ANKRD17: variants seen among roughly 807,000 people sequenced by gnomAD.
The protein encoded by ANKRD17 is ankyrin repeat domain 17, also known as ankyrin repeat domain-containing protein 17.
In ANKRD17, 19 loss-of-function variants were observed where a neutral mutation model predicts 229.7. The observed-to-expected ratio is 0.08, with a 90% CI of 0.06 to 0.12. The LOEUF (loss-of-function observed/expected upper bound fraction) is 0.12, where lower values mean the gene tolerates loss of function less well. ANKRD17 is among the 10% of genes least tolerant of loss of function. The pLI is 1.00. For synonymous variants in ANKRD17, 1,112 were observed against 1,146.1 expected, an observed-to-expected ratio of 0.97 and a Z score of 0.60; for missense variants, 2,176 against 3,176.8, an observed-to-expected ratio of 0.68 and a Z score of 7.57.
chr4:73,167,193 G>A (rs1421093458), intron 2 of ANKRD17, among the ~76,000 whole-genome samples: 1 of 152,078 alleles, frequency 6.6e-6, no homozygotes, highest in East Asian at 1.9e-4. Flanking sequence ...CTGGATGATG[G>A]ATAAACATAC....
intron 1 of ANKRD17, among the ~76,000 whole-genome samples, chr4:73,217,083 T>G (rs757100707): frequency 1.3e-5 from 2 of 152,192 alleles, no homozygotes; most frequent in Non-Finnish European, 2.9e-5. Context: ...CCAATGTTGT[T>G]GCCTCTATAA....
chr4:73,113,068 G>A (rs565740073), intron 24 of ANKRD17: 12 of 1,165,884 alleles, frequency 1.0e-5, no homozygotes, highest in South Asian at 5.2e-5. Flanking sequence ...GAATACAGGC[G>A]TGAGCTACTG....
At chr4:73,151,594 AT>A (rs1346114726) in intron 6 of ANKRD17, 70 bp from the exon 7 acceptor site, 1 of 1,197,030 alleles carries the variant, frequency 8.4e-7, no homozygotes, top group Non-Finnish European at 1.1e-6. Context: ...AAATTATAAT[AT>A]TTTGAAAAGT....
At chr4:73,099,449 C>CT (rs1431686544) in intron 25 of ANKRD17, among the ~76,000 whole-genome samples, 1 of 152,220 alleles carries the variant, frequency 6.6e-6, no homozygotes, top group Non-Finnish European at 1.5e-5. Flanking sequence ...TAGCCACACC[C>CT]TGCACATGCT....
chr4:73,193,975 A>G (rs568886578), intron 1 of ANKRD17, among the ~76,000 whole-genome samples: 6 of 152,286 alleles, frequency 3.9e-5, no homozygotes, highest in Non-Finnish European at 8.8e-5. Context: ...GGTTTTCTCA[A>G]TATTGATTTG....
chr4:73,254,983 A>T (rs1396471393), intron 1 of ANKRD17, among the ~76,000 whole-genome samples: 1 of 152,190 alleles, frequency 6.6e-6, no homozygotes, highest in Non-Finnish European at 1.5e-5. Context: ...TGTATTTTCC[A>T]TATTGGTCAG....
At chr4:73,250,577 A>G (rs1744904734) in intron 1 of ANKRD17, among the ~76,000 whole-genome samples, 1 of 107,470 alleles carries the variant, frequency 9.3e-6, no homozygotes, top group African/African-American at 3.6e-5. Flanking sequence ...TCCAGCATAG[A>G]TGACCTTGTC....
intron 1 of ANKRD17, among the ~76,000 whole-genome samples, chr4:73,257,473 T>A (rs768123646): frequency 2.6e-4 from 40 of 152,180 alleles, no homozygotes; most frequent in Non-Finnish European, 4.0e-4. Flanking sequence ...CCTTTGGCTG[T>A]CCCATATTAC....
At chr4:73,146,246 T>C (rs1730269217) in intron 10 of ANKRD17, among the ~76,000 whole-genome samples, 1 of 152,192 alleles carries the variant, frequency 6.6e-6, no homozygotes, top group African/African-American at 2.4e-5. Flanking sequence ...TCTGATCTTC[T>C]TTACTCTGCA....
chr4:73,100,469 A>C (rs927822103), intron 25 of ANKRD17, among the ~76,000 whole-genome samples: 1 of 151,596 alleles, frequency 6.6e-6, no homozygotes, highest in Non-Finnish European at 1.5e-5. Flanking sequence ...AAAAAAAAAA[A>C]CATATATATA....
At position 73,258,532 on chromosome 4, in the gene ANKRD17, C is replaced by A; in HGVS notation, c.137G>T (p.Arg46Leu). Reference protein sequence around the residue: ...GGGVGGSSRARSASSPRGMVR... With the variant: ...GGGVGGSSRALSASSPRGMVR... ...CATCCCACGAGGAGACGAGGCCGAG[C>A]GAGCTCTGCTGCTGCCGCCAACGCC... is the stretch of plus-strand genomic sequence containing the variant. The change falls in exon 1 of 34, where the codon CGC (arginine) becomes CTC (leucine). Residue 46 changes from arginine (R) to leucine (L), a missense_variant. Arg to Leu is a moderately radical substitution (Grantham distance 102). This residue lies in a region of ANKRD17 where 196 missense variants were observed against 190.0 expected (regional missense o/e 1.03). Coordinates refer to ENST00000358602, the MANE Select transcript of ANKRD17 (RefSeq NM_032217.5). The A allele has an allele frequency of 1.3e-6, 2 of 1,528,554 alleles. No individual in the cohort carries two copies. The highest frequency in any genetic ancestry group is 1.4e-5 in the African/African-American group (1 of 71,604). 94.7% of individuals were successfully genotyped at this position (1,528,554 alleles called of 1,614,324 possible).
intron 18 of ANKRD17, among the ~76,000 whole-genome samples, chr4:73,122,718 A>G (rs1238612896): frequency 6.6e-6 from 1 of 152,150 alleles, no homozygotes; most frequent in Non-Finnish European, 1.5e-5. Flanking sequence ...CATCTCAGCA[A>G]AGCTATGTCC....
intron 29 of ANKRD17, among the ~76,000 whole-genome samples, chr4:73,088,273 G>A (rs1722408754): frequency 6.6e-6 from 1 of 152,104 alleles, no homozygotes; most frequent in Non-Finnish European, 1.5e-5. Flanking sequence ...GGATCTGAGA[G>A]AGGTTTAGGA....
chr4:73,243,879 T>C (rs1744256600), intron 1 of ANKRD17, among the ~76,000 whole-genome samples: 1 of 152,208 alleles, frequency 6.6e-6, no homozygotes, highest in South Asian at 2.1e-4. Context: ...CCTTTCTGTT[T>C]CTTATTTCTC....
chr4:73,239,335 A>G (rs911384221), intron 1 of ANKRD17, among the ~76,000 whole-genome samples: 3 of 152,166 alleles, frequency 2.0e-5, no homozygotes, highest in African/African-American at 7.2e-5. Flanking sequence ...TACAGAAACA[A>G]TATCAAAAAG....
chr4:73,209,476 T>C (rs1379140317), intron 1 of ANKRD17, among the ~76,000 whole-genome samples: 1 of 152,140 alleles, frequency 6.6e-6, no homozygotes, highest in Non-Finnish European at 1.5e-5. Flanking sequence ...AACAGCCCTA[T>C]ATCTACTAAA....
At chr4:73,140,336 C>T (rs1010324957) in intron 14 of ANKRD17, 53 bp from the exon 15 acceptor site, 2 of 1,519,350 alleles carry the variant, frequency 1.3e-6, no homozygotes, top group Non-Finnish European at 1.7e-6. Flanking sequence ...ATCCTCATTA[C>T]AGAGTTACTG....
chr4:73,231,927 T>C (rs1171152914), intron 1 of ANKRD17, among the ~76,000 whole-genome samples: 1 of 152,252 alleles, frequency 6.6e-6, no homozygotes, highest in African/African-American at 2.4e-5. Flanking sequence ...TGGAAGTTAC[T>C]GGAGGGTGGC....
Position 73,091,246 on chromosome 4 carries a change from C to G in ANKRD17, c.6382G>C (p.Val2128Leu). Residue 2128 changes from valine (V) to leucine (L), a missense_variant, in exon 29 of 34, where the codon GTT becomes CTT. This residue lies in a region of ANKRD17 where 424 missense variants were observed against 454.0 expected (regional missense o/e 0.93). Coordinates refer to ENST00000358602, the MANE Select transcript of ANKRD17 (RefSeq NM_032217.5). ...GTCATTCTAACTTCCGGGGGAGGAA[C>G]CTGAGACTGCTGAAGAGGTGGTCTT... Reference protein sequence around the residue: ...EPRPPLQQSQVPPPEVRMTVP... With the variant: ...EPRPPLQQSQLPPPEVRMTVP... The G allele has an allele frequency of 1.2e-6, 2 of 1,614,152 alleles. No homozygotes were observed. The highest frequency in any genetic ancestry group is 1.1e-5 in the South Asian group (1 of 91,080).
Sources: allele counts gnomAD v4.1 joint callset (sites outside exome capture counted in the v4.1 genomes callset), GRCh38; gene constraint gnomAD v4.1.1; regional missense constraint gnomAD v4.1.1; transcripts MANE v1.5; gene names NCBI Gene and HGNC (gene_info 2026-07-23, HGNC 2026-07-21).